The following NBEA variants were observed in gnomAD, a reference collection of about 807,000 sequenced individuals.
NBEA encodes lysosomal-trafficking regulator 2.
NBEA carries 44 observed loss-of-function variants against 343.4 expected under a neutral mutation model. That is an observed-to-expected ratio of 0.13 (90% confidence interval 0.10 to 0.16). NBEA has a LOEUF of 0.16. Ranked by LOEUF, NBEA falls within the 10% of genes least tolerant of loss-of-function variation. The pLI is 1.00. For synonymous variants in NBEA, 1,175 were observed against 1,238.7 expected (o/e 0.95, Z 1.08); for missense variants, 2,555 against 3,631.3 (o/e 0.70, Z 7.62).
chr13:35,313,980 G>A, intron 36 of NBEA, among the ~76,000 whole-genome samples: 1 of 152,040 alleles, frequency 6.6e-6, no homozygotes, highest in East Asian at 1.9e-4. Flanking sequence ...CAATTTTGAT[G>A]GAAAAACGCA....
chr13:35,272,435 A>C (rs1220257109), intron 34 of NBEA, among the ~76,000 whole-genome samples: 2 of 152,206 alleles, frequency 1.3e-5, no homozygotes, highest in East Asian at 3.9e-4. Flanking sequence ...CGCTATGAAG[A>C]AACTGCATCA....
intron 34 of NBEA, among the ~76,000 whole-genome samples, chr13:35,249,018 A>C (rs1048162145): frequency 6.6e-6 from 1 of 152,002 alleles, no homozygotes; most frequent in Non-Finnish European, 1.5e-5. Flanking sequence ...GCATGTTGGC[A>C]TATTGCTGTA....
At chr13:35,590,692 C>A (rs141708573) in intron 46 of NBEA, among the ~76,000 whole-genome samples, 10 of 152,098 alleles carry the variant, frequency 6.6e-5, no homozygotes, top group African/African-American at 2.4e-4. Context: ...GTTAAAAAAC[C>A]TAGAGACAAG....
intron 1 of NBEA, among the ~76,000 whole-genome samples, chr13:34,994,361 A>C (rs1316637317): frequency 6.6e-6 from 1 of 152,060 alleles, no homozygotes; most frequent in Non-Finnish European, 1.5e-5. Context: ...AAATGGGAAA[A>C]TTAAAATATA....
chr13:35,273,899 G>T (rs2034375567), intron 34 of NBEA, among the ~76,000 whole-genome samples: 1 of 152,074 alleles, frequency 6.6e-6, no homozygotes, highest in Non-Finnish European at 1.5e-5. Context: ...AAAAAGTCCA[G>T]GACCAGACAG....
chr13:35,580,918 T>A (rs1309174027), intron 45 of NBEA, among the ~76,000 whole-genome samples: 3 of 152,188 alleles, frequency 2.0e-5, no homozygotes, highest in African/African-American at 7.2e-5. Flanking sequence ...AAGTATTTAC[T>A]TTTCCTTTTC....
chr13:35,554,191 C>T (rs1039461729), intron 43 of NBEA, among the ~76,000 whole-genome samples: 9 of 152,104 alleles, frequency 5.9e-5, no homozygotes, highest in African/African-American at 2.2e-4. Flanking sequence ...TTAGAGCTAA[C>T]TACTTAATAA....
At chr13:35,533,873 TA>T in intron 41 of NBEA, among the ~76,000 whole-genome samples, 1 of 152,268 alleles carries the variant, frequency 6.6e-6, no homozygotes, top group East Asian at 1.9e-4. Flanking sequence ...CATTCCACAT[TA>T]AGGTGGGGTT....
chr13:35,483,970 A>G (rs1231742546), intron 41 of NBEA, among the ~76,000 whole-genome samples: 1 of 152,058 alleles, frequency 6.6e-6, no homozygotes, highest in African/African-American at 2.4e-5. Flanking sequence ...ACCACTAAAT[A>G]TTGGAATCTT....
chr13:35,271,074 T>G (rs762930766), intron 34 of NBEA, among the ~76,000 whole-genome samples: 2 of 152,228 alleles, frequency 1.3e-5, no homozygotes, highest in Non-Finnish European at 2.9e-5. Flanking sequence ...CCATGTAGCC[T>G]GACTGGGAGG....
intron 28 of NBEA, among the ~76,000 whole-genome samples, chr13:35,179,073 C>T (rs1450388559): frequency 6.6e-6 from 1 of 151,380 alleles, no homozygotes; most frequent in East Asian, 1.9e-4. Flanking sequence ...CCCTTAAATT[C>T]ATGGATATTT....
intron 38 of NBEA, among the ~76,000 whole-genome samples, chr13:35,402,710 G>A (rs1365522301): frequency 6.6e-6 from 1 of 152,062 alleles, no homozygotes. Context: ...TAACTTTTTG[G>A]TGGGATGGAA....
intron 38 of NBEA, among the ~76,000 whole-genome samples, chr13:35,361,498 C>T (rs1250510168): frequency 6.6e-6 from 1 of 151,994 alleles, no homozygotes. Context: ...GTGCAAAAAT[C>T]GGAACTTGAC....
intron 8 of NBEA, among the ~76,000 whole-genome samples, chr13:35,059,387 C>G (rs920329354): frequency 1.3e-5 from 2 of 151,720 alleles, no homozygotes; most frequent in African/African-American, 4.8e-5. Flanking sequence ...TTATCATATT[C>G]TTTTTGTTTT....
chr13:35,073,799 G>A (rs929052645), intron 10 of NBEA, among the ~76,000 whole-genome samples: 9 of 151,954 alleles, frequency 5.9e-5, no homozygotes, highest in Admixed American at 2.0e-4. Context: ...GAAGTTAGAC[G>A]GGCATGGTGG....
At chr13:35,200,242 T>C (rs1354419704) in intron 31 of NBEA, among the ~76,000 whole-genome samples, 2 of 151,980 alleles carry the variant, frequency 1.3e-5, no homozygotes, top group East Asian at 3.9e-4. Context: ...AATTGAGCTA[T>C]TATTTTTCAT....
At chr13:35,264,399 T>C (rs1323736071) in intron 34 of NBEA, among the ~76,000 whole-genome samples, 2 of 151,852 alleles carry the variant, frequency 1.3e-5, no homozygotes, top group Admixed American at 6.6e-5. Flanking sequence ...AAACACATAT[T>C]ACAAACCCAG....
At chr13:35,608,040 C>T (rs2082353215) in intron 48 of NBEA, among the ~76,000 whole-genome samples, 1 of 152,144 alleles carries the variant, frequency 6.6e-6, no homozygotes, top group African/African-American at 2.4e-5. Flanking sequence ...TTGGACTTTA[C>T]TGTCAGTCAC....
intron 38 of NBEA, among the ~76,000 whole-genome samples, chr13:35,381,785 C>A (rs1396342493): frequency 6.6e-6 from 1 of 151,948 alleles, no homozygotes. Context: ...ACTGGGAGTT[C>A]ATAATAAAAA....
Sources: gnomAD v4.1 joint callset for allele counts (sites outside exome capture counted in the v4.1 genomes callset) on GRCh38, gnomAD v4.1.1 for gene constraint, MANE v1.5 for transcripts, NCBI Gene and HGNC (gene_info 2026-07-23, HGNC 2026-07-21) for gene names.